The following ZNF595 variants were observed in gnomAD, a reference collection of about 807,000 sequenced individuals.
The protein encoded by ZNF595 is zinc finger protein 595.
Under a neutral mutation model 19.4 loss-of-function variants are expected in ZNF595, and 9 were observed. That is an observed-to-expected ratio of 0.46 (90% confidence interval 0.28 to 0.81). ZNF595 has a LOEUF of 0.81. Among genes scored for constraint, ZNF595 ranks in the 30% least tolerant of loss-of-function variants. ZNF595 has a pLI of 0.11. For missense variants in ZNF595, 729 were observed against 736.0 expected, an observed-to-expected ratio of 0.99 and a Z score of 0.11; for synonymous variants, 255 against 255.9, an observed-to-expected ratio of 1.00 and a Z score of 0.03.
intron 3 of ZNF595, among the ~76,000 whole-genome samples, chr4:70,189 C>A (rs1240147252): frequency 6.6e-6 from 1 of 152,082 alleles, no homozygotes; most frequent in African/African-American, 2.4e-5. Flanking sequence ...TTTTTTCCCA[C>A]CAGCTTGATT....
At position 86,395 on chromosome 4, in the gene ZNF595, A is replaced by G; in HGVS notation, c.891A>G (p.Thr297=). The stretch of plus-strand genomic sequence containing the variant: ...GTGGCAAAGCCTTTAGATGGTCCAC[A>G]AGCCTGAATGAACATAAGAATATTC... ...KECGKAFRWS[T]SLNEHKNIHT... Residue 297 remains threonine, a synonymous_variant, in exon 4 of 4, where the codon ACA becomes ACG. Transcript: ENST00000610261. 8.7e-6 allele frequency: 14 copies of G among 1,613,554 alleles called. No homozygotes were observed. Among genetic ancestry groups the G allele is most frequent in the Non-Finnish European group, 1.2e-5 (14 of 1,179,650 alleles).
chr4:85,955 G>A lies in ZNF595; in HGVS notation c.451G>A (p.Val151Ile), dbSNP rs1553801079. The change falls in exon 4 of 4, where the codon GTT becomes ATT. Residue 151 changes from valine to isoleucine, a missense_variant. Physicochemically the swap from Val to Ile is conservative, Grantham distance 29. Around this residue, in one of 2 missense-constraint regions of ZNF595, gnomAD observed 729 missense variants for 675.3 expected, o/e 1.08. Transcript: ENST00000610261. Reference sequence around the variant, plus strand: ...CAAAATATTTCAATGTAATACATGTGTTAAAGTTTTTAGTAAATTTTCAAA... The same window carrying A: ...CAAAATATTTCAATGTAATACATGTATTAAAGTTTTTAGTAAATTTTCAAA... ...QSKIFQCNTC[V>I]KVFSKFSNSN... The A allele has an allele frequency of 1.9e-6, 3 of 1,610,812 alleles. No individual in the cohort carries two copies. The highest frequency in any genetic ancestry group is 2.5e-6 in the Non-Finnish European group (3 of 1,178,136).
chr4:78,099 T>C (rs1246946527), intron 3 of ZNF595, among the ~76,000 whole-genome samples: 2 of 152,152 alleles, frequency 1.3e-5, no homozygotes, highest in African/African-American at 4.8e-5. Flanking sequence ...AGCTCCGCCT[T>C]CCTGGTTCAC....
chr4:69,864 G>GT (rs1713354278), intron 3 of ZNF595, among the ~76,000 whole-genome samples: 1 of 152,154 alleles, frequency 6.6e-6, no homozygotes, highest in South Asian at 2.1e-4. Context: ...TTCCTGAAGA[G>GT]TTTCACCAAT....
chr4:54,985 C>T (rs1581360692), intron 1 of ZNF595, among the ~76,000 whole-genome samples: 1 of 151,536 alleles, frequency 6.6e-6, no homozygotes, highest in South Asian at 2.1e-4. Flanking sequence ...AGGTTCACGC[C>T]ATTCTCCTAA....
In ZNF595 at chr4:87,552, T is replaced by A; in HGVS notation, c.*101T>A. 2 of 1,178,722 alleles carry A rather than the reference T, an allele frequency of 1.7e-6. No homozygotes were observed. Among genetic ancestry groups the A allele is most frequent in the Non-Finnish European group, 2.3e-6 (2 of 881,866 alleles). 73.0% of individuals were successfully genotyped at this position (1,178,722 alleles called of 1,614,324 possible). A position where few individuals can be genotyped will look rare whatever the true frequency, so the allele number is the denominator to read the frequency against. ...CTTGTATTATTTTTCTTATTTTAAA[T>A]TTTTTAAAATTTCTGTAGGTACATA... On this transcript the variant is annotated 3_prime_UTR_variant, in exon 4 of 4. Coordinates refer to ENST00000610261, the MANE Select transcript of ZNF595 (RefSeq NM_182524.4).
chr4:84,793 G>A (rs558533481), intron 3 of ZNF595, among the ~76,000 whole-genome samples: 38 of 151,862 alleles, frequency 2.5e-4, no homozygotes, highest in Admixed American at 1.0e-3. Context: ...ATATTTTAAC[G>A]TTTTCATCGA....
chr4:72,379 A>C (rs565627651), intron 3 of ZNF595, among the ~76,000 whole-genome samples: 2 of 152,248 alleles, frequency 1.3e-5, no homozygotes, highest in East Asian at 3.9e-4. Flanking sequence ...AAATAGGAAA[A>C]ATTTTCTTCT....
intron 3 of ZNF595, among the ~76,000 whole-genome samples, chr4:78,751 T>C (rs1416801578): frequency 1.3e-5 from 2 of 152,216 alleles, no homozygotes; most frequent in Admixed American, 6.5e-5. Context: ...AGAGTTTTGC[T>C]CTTGTTGCCC....
intron 3 of ZNF595, among the ~76,000 whole-genome samples, chr4:82,577 T>C (rs953277761): frequency 1.3e-5 from 2 of 151,706 alleles, no homozygotes; most frequent in Admixed American, 6.6e-5. Flanking sequence ...AGAGATGGGG[T>C]TTCTCCATGT....
In ZNF595 at chr4:82,371, G is replaced by GTTTTTTTTTTTTTTTTTTTTTTTT. The variant is rs1560092266; in HGVS notation, c.227-3360_227-3359insTTTTTTTTTTTTTTTTTTTTTTTT. On this transcript the variant is annotated intron_variant, in intron 3 of 3. Transcript: ENST00000610261. ...ACAAAAGTCCATTTTTTTGGTTTGTGGTTTTTTTTTTTTTTTTTTTTTTTT... is the reference window on the plus strand; with the variant it reads ...ACAAAAGTCCATTTTTTTGGTTTGTGTTTTTTTTTTTTTTTTTTTTTTTTGTTTTTTTTTTTTTTTTTTTTTTTT... Among the ~76,000 whole-genome samples, 2 of 97,714 alleles carry GTTTTTTTTTTTTTTTTTTTTTTTT rather than the reference G, an allele frequency of 2.0e-5. 1 individual carries two copies. The highest frequency in any genetic ancestry group is 7.3e-5 in the African/African-American group (2 of 27,380). The allele number at this position is 97,714 out of a possible 152,430, so 64.1% of individuals were successfully genotyped here.
chr4:86,100 C>T lies in ZNF595; in HGVS notation c.596C>T (p.Pro199Leu), dbSNP rs782691546. ...ACAGGAATTCATGCTGGAGAGAAAC[C>T]CTACAAATGTGAAAAATGTGGCAAA... ...QHTGIHAGEK[P>L]YKCEKCGKAF... The change falls in exon 4 of 4, where the codon CCC (proline) becomes CTC (leucine). Residue 199 changes from proline (P) to leucine (L), a missense_variant. Physicochemically the swap from Pro to Leu is moderately conservative, Grantham distance 98. Transcript: ENST00000610261. 3 of 1,613,502 alleles carry T rather than the reference C, an allele frequency of 1.9e-6. No homozygotes were observed. Among genetic ancestry groups the T allele is most frequent in the Non-Finnish European group, 2.5e-6 (3 of 1,179,734 alleles).
intron 3 of ZNF595, among the ~76,000 whole-genome samples, chr4:64,865 T>C (rs1191185248): frequency 1.1e-4 from 16 of 152,132 alleles, no homozygotes; most frequent in Non-Finnish European, 1.6e-4. Context: ...ATACCATGTG[T>C]ATGAATGGGA....
At chr4:74,150 A>AC (rs1553798296) in intron 3 of ZNF595, among the ~76,000 whole-genome samples, 3 of 151,592 alleles carry the variant, frequency 2.0e-5, no homozygotes, top group Non-Finnish European at 2.9e-5. Flanking sequence ...TCTACCAAAA[A>AC]TAAAAAAAAA....
intron 3 of ZNF595, among the ~76,000 whole-genome samples, chr4:82,647 G>A (rs1352737326): frequency 1.3e-5 from 2 of 151,948 alleles, no homozygotes; most frequent in East Asian, 3.9e-4. Flanking sequence ...GCCTCCCAAA[G>A]TGCTTGGATT....
In ZNF595 at chr4:87,207, A is replaced by C; in HGVS notation, c.1703A>C (p.Glu568Ala). 1.9e-6 allele frequency: 3 copies of C among 1,595,472 alleles called. No individual in the cohort carries two copies. Among genetic ancestry groups the C allele is most frequent in the Non-Finnish European group, 2.6e-6 (3 of 1,167,774 alleles). ...GGAGAGAAACCCTACAAATGCAAAG[A>C]ATGTGGCAAAGCCTATAACTTATCC... is the stretch of plus-strand genomic sequence containing the variant. ...HSGEKPYKCK[E>A]CGKAYNLSST... The change falls in exon 4 of 4, where the codon GAA (glutamate) becomes GCA (alanine). Residue 568 changes from glutamate to alanine, a missense_variant. Glu to Ala is a moderately radical substitution (Grantham distance 107). This residue lies in a region of ZNF595 where 729 missense variants were observed against 675.3 expected (regional missense o/e 1.08). Coordinates refer to ENST00000610261, the MANE Select transcript of ZNF595 (RefSeq NM_182524.4).
intron 3 of ZNF595, 58 bp from the exon 4 acceptor site, chr4:85,673 A>G: frequency 6.7e-7 from 1 of 1,486,534 alleles, no homozygotes; most frequent in Non-Finnish European, 9.0e-7. Context: ...TTACATTCGT[A>G]AAGTATATTC....
At chr4:81,659 G>T (rs1200565318) in intron 3 of ZNF595, among the ~76,000 whole-genome samples, 1 of 152,180 alleles carries the variant, frequency 6.6e-6, no homozygotes, top group East Asian at 1.9e-4. Context: ...ATCTTGCAAA[G>T]CTAACACTCA....
Position 85,839 on chromosome 4 carries a change from A to G in ZNF595, c.335A>G (p.Gln112Arg), listed in dbSNP as rs1463652827. Residue 112 changes from glutamine to arginine, a missense_variant, in exon 4 of 4, where the codon CAA becomes CGA. By Grantham distance (43) the Gln-to-Arg change is conservative (BLOSUM62 1). Around this residue, in one of 2 missense-constraint regions of ZNF595, gnomAD observed 729 missense variants for 675.3 expected, o/e 1.08. Transcript: ENST00000610261. ...GAGAAATGTGGACATGAGAATTTACAATTAAGAAAAGGCTGTAAACGTGTG... is the reference window on the plus strand; with the variant it reads ...GAGAAATGTGGACATGAGAATTTACGATTAAGAAAAGGCTGTAAACGTGTG... Reference protein sequence around the residue: ...RYEKCGHENLQLRKGCKRVNE... With the variant: ...RYEKCGHENLRLRKGCKRVNE... 19 of 1,613,964 alleles carry G rather than the reference A, an allele frequency of 1.2e-5. No homozygotes were observed. The highest frequency in any genetic ancestry group is 1.6e-5 in the Non-Finnish European group (19 of 1,179,976).
Sources: allele counts gnomAD v4.1 joint callset (sites outside exome capture counted in the v4.1 genomes callset), GRCh38; gene constraint gnomAD v4.1.1; regional missense constraint gnomAD v4.1.1; transcripts MANE v1.5; gene names NCBI Gene and HGNC (gene_info 2026-07-23, HGNC 2026-07-21).